Variants in SMARCAD1 observed in about 807,000 individuals in gnomAD.
The protein encoded by SMARCAD1 is SNF2 related chromatin remodeling ATPase with DExD box 1.
Under a neutral mutation model 127.1 loss-of-function variants are expected in SMARCAD1, and 25 were observed. The ratio of observed to expected loss-of-function variants is 0.20; its 90% CI spans 0.14 to 0.27. The LOEUF (loss-of-function observed/expected upper bound fraction) is 0.27. SMARCAD1 is among the 10% of genes least tolerant of loss of function. SMARCAD1 has a pLI of 1.00. For synonymous variants in SMARCAD1, 400 were observed against 396.9 expected (o/e 1.01, Z -0.09); for missense variants, 807 against 1,206.0 (o/e 0.67, Z 4.90).
rs185042174 is a variant in SMARCAD1 at position 94,223,909 on chromosome 4, G to A, written c.191-2210G>A. On this transcript the variant is annotated intron_variant, in intron 2 of 23. Transcript: ENST00000354268. ...CATAGTCTTCCTGAAGTGTCAGAAA[G>A]TAGGACTTTATTGTTAAAGTGTTCA... is the stretch of plus-strand genomic sequence containing the variant. Among the ~76,000 whole-genome samples, 380 of 152,072 alleles carry A rather than the reference G, an allele frequency of 2.5e-3. 3 individuals carry two copies. The highest frequency in any genetic ancestry group is 8.5e-3 in the African/African-American group (354 of 41,468).
At chr4:94,278,892 T>G (rs1185463028) in intron 18 of SMARCAD1, 37 bp from the exon 19 acceptor site, 1 of 1,612,156 alleles carries the variant, frequency 6.2e-7, no homozygotes, top group East Asian at 2.2e-5. Context: ...GTTATCCGCT[T>G]GGTTTTATTT....
intron 11 of SMARCAD1, among the ~76,000 whole-genome samples, chr4:94,272,628 C>T (rs1752697567): frequency 6.6e-6 from 1 of 152,016 alleles, no homozygotes; most frequent in Admixed American, 6.6e-5. Context: ...TTTGGTGCAA[C>T]ATAATGTTAT....
chr4:94,240,007 T>C (rs771713987), intron 5 of SMARCAD1, among the ~76,000 whole-genome samples: 28 of 152,254 alleles, frequency 1.8e-4, no homozygotes, highest in Non-Finnish European at 3.1e-4. Flanking sequence ...ACACAAATAC[T>C]CTGCTTTAAA....
chr4:94,229,507 T>G (rs926556818), intron 3 of SMARCAD1, among the ~76,000 whole-genome samples: 3 of 152,166 alleles, frequency 2.0e-5, no homozygotes, highest in Non-Finnish European at 4.4e-5. Context: ...AACAGGCTGT[T>G]GTGTTTGTTT....
At chr4:94,253,765 A>G (rs997827750) in intron 9 of SMARCAD1, 23 of 818,974 alleles carry the variant, frequency 2.8e-5, no homozygotes, top group African/African-American at 3.7e-5. Flanking sequence ...ATGAATGCCA[A>G]CAGTCATCAA....
chr4:94,249,652 A>T lies in SMARCAD1; in HGVS notation c.706-2A>T. 6.7e-7 allele frequency: 1 copy of T among 1,483,756 alleles called. No homozygotes were observed. The highest frequency in any genetic ancestry group is 9.4e-7 in the Non-Finnish European group (1 of 1,061,892). The allele number at this position is 1,483,756 out of a possible 1,614,324, so 91.9% of individuals were successfully genotyped here. A position where few individuals can be genotyped will look rare whatever the true frequency, so the allele number is the denominator to read the frequency against. Reference sequence around the variant, plus strand: ...GTTTTCTTTTTTTTTTCTCCCCATTAGGGAGAGGAATCAAATGAGTCTGCA... The same window carrying T: ...GTTTTCTTTTTTTTTTCTCCCCATTTGGGAGAGGAATCAAATGAGTCTGCA... On this transcript the variant is annotated splice_acceptor_variant, in intron 6 of 23. Transcript: ENST00000354268. LOFTEE classifies it high-confidence loss of function.
chr4:94,284,838 G>T, intron 22 of SMARCAD1, 122 bp from the exon 23 acceptor site: 3 of 672,906 alleles, frequency 4.5e-6, no homozygotes, highest in Non-Finnish European at 7.7e-6. Context: ...TTAAATAAAA[G>T]AATTTAAGGA....
At chr4:94,244,794 T>C (rs978703143) in intron 6 of SMARCAD1, among the ~76,000 whole-genome samples, 3 of 151,782 alleles carry the variant, frequency 2.0e-5, no homozygotes, top group Admixed American at 1.3e-4. Flanking sequence ...ATTCTTACAG[T>C]GTATCAAGCT....
chr4:94,218,338 C>T (rs1319728410), intron 2 of SMARCAD1, among the ~76,000 whole-genome samples: 2 of 151,546 alleles, frequency 1.3e-5, no homozygotes, highest in East Asian at 3.9e-4. Flanking sequence ...GACTGGAGTG[C>T]AGTGGCATGA....
At chr4:94,259,669 C>T (rs1288978620) in intron 9 of SMARCAD1, among the ~76,000 whole-genome samples, 2 of 152,120 alleles carry the variant, frequency 1.3e-5, no homozygotes, top group African/African-American at 2.4e-5. Flanking sequence ...TCATTGCCTC[C>T]CCCATTTTGT....
At chr4:94,246,739 G>T (rs1046627113) in intron 6 of SMARCAD1, among the ~76,000 whole-genome samples, 2 of 152,124 alleles carry the variant, frequency 1.3e-5, no homozygotes, top group African/African-American at 4.8e-5. Flanking sequence ...TGGATCAAGT[G>T]ATACTCTCTA....
chr4:94,283,761 C>T (rs1560570713), intron 22 of SMARCAD1, among the ~76,000 whole-genome samples: 1 of 150,502 alleles, frequency 6.6e-6, no homozygotes, highest in Non-Finnish European at 1.5e-5. Context: ...GGAGGCAGAG[C>T]TTGCAGTGAG....
chr4:94,270,201 C>T (rs762856087), intron 10 of SMARCAD1, among the ~76,000 whole-genome samples: 1 of 151,796 alleles, frequency 6.6e-6, no homozygotes, highest in African/African-American at 2.4e-5. Flanking sequence ...TACATTTGTA[C>T]GTAGTATGCA....
At chr4:94,253,852 G>A (rs188549907) in intron 9 of SMARCAD1, among the ~76,000 whole-genome samples, 1 of 152,156 alleles carries the variant, frequency 6.6e-6, no homozygotes, top group African/African-American at 2.4e-5. Context: ...AGCAGGAATT[G>A]TATATAGGCC....
chr4:94,251,293 A>T (rs1289665423), intron 8 of SMARCAD1, among the ~76,000 whole-genome samples: 1 of 152,188 alleles, frequency 6.6e-6, no homozygotes, highest in Non-Finnish European at 1.5e-5. Context: ...TAATTCTAGG[A>T]ACCAAATGAT....
At chr4:94,218,680 T>C (rs1262942604) in intron 2 of SMARCAD1, among the ~76,000 whole-genome samples, 1 of 152,192 alleles carries the variant, frequency 6.6e-6, no homozygotes, top group African/African-American at 2.4e-5. Context: ...TTTAATCTTA[T>C]ATTTAGTGTA....
intron 2 of SMARCAD1, among the ~76,000 whole-genome samples, chr4:94,214,542 A>T (rs1452511420): frequency 1.3e-5 from 2 of 152,048 alleles, no homozygotes; most frequent in Non-Finnish European, 2.9e-5. Flanking sequence ...CTGGGATTAC[A>T]GGCATGAGCC....
intron 3 of SMARCAD1, among the ~76,000 whole-genome samples, chr4:94,231,114 G>T (rs902288717): frequency 2.6e-5 from 4 of 152,184 alleles, no homozygotes; most frequent in Admixed American, 6.5e-5. Context: ...CATAAGAAAG[G>T]ATGTAGAAAA....
intron 3 of SMARCAD1, among the ~76,000 whole-genome samples, chr4:94,233,615 A>G (rs1169485085): frequency 6.6e-6 from 1 of 152,188 alleles, no homozygotes; most frequent in Non-Finnish European, 1.5e-5. Flanking sequence ...TTCGTCTGAC[A>G]TAGAGAGTAT....
Sources: allele counts gnomAD v4.1 joint callset (sites outside exome capture counted in the v4.1 genomes callset), GRCh38; gene constraint gnomAD v4.1.1; transcripts MANE v1.5; gene names NCBI Gene and HGNC (gene_info 2026-07-23, HGNC 2026-07-21).